Variants in OTUD7A observed in about 807,000 individuals in gnomAD.
The protein encoded by OTUD7A is OTU domain-containing protein 7A.
A neutral mutation model predicts 65.7 loss-of-function variants in OTUD7A; 12 were observed. That is an observed-to-expected ratio of 0.18 (90% CI 0.12 to 0.30). The LOEUF (loss-of-function observed/expected upper bound fraction) is 0.30, where lower values mean the gene tolerates loss of function less well. OTUD7A is among the 10% of genes least tolerant of loss of function. OTUD7A has a pLI of 1.00. For synonymous variants in OTUD7A, 641 were observed against 586.3 expected (o/e 1.09, Z -1.35); for missense variants, 1,148 against 1,304.8 (o/e 0.88, Z 1.85).
At chr15:31,833,387 A>C (rs1334546812) in intron 1 of OTUD7A, among the ~76,000 whole-genome samples, 1 of 152,250 alleles carries the variant, frequency 6.6e-6, no homozygotes, top group Non-Finnish European at 1.5e-5. Context: ...TAGAAACTAA[A>C]CAGATTTCTT....
intron 8 of OTUD7A, among the ~76,000 whole-genome samples, chr15:31,517,559 TG>T (rs2041875987): frequency 6.6e-6 from 1 of 152,246 alleles, no homozygotes; most frequent in South Asian, 2.1e-4. Context: ...TGCAATATAA[TG>T]ACTTCATCCT....
At chr15:31,645,026 G>A (rs1305160083) in intron 3 of OTUD7A, among the ~76,000 whole-genome samples, 1 of 152,090 alleles carries the variant, frequency 6.6e-6, no homozygotes, top group Non-Finnish European at 1.5e-5. Flanking sequence ...TCTGTGAATC[G>A]CTGCAGTTCT....
chr15:31,839,497 T>C (rs1055240309), intron 1 of OTUD7A, among the ~76,000 whole-genome samples: 2 of 152,022 alleles, frequency 1.3e-5, no homozygotes, highest in African/African-American at 4.8e-5. Context: ...GTAACCTAAT[T>C]TGAGGTGGTA....
In OTUD7A at chr15:31,856,985, A is replaced by T. The variant is rs56699627; in HGVS notation, c.-100+13522T>A. 6.2e-3 allele frequency among the ~76,000 whole-genome samples: 946 copies of T among 152,304 alleles called. 8 individuals are homozygous for T. The highest frequency in any genetic ancestry group is 0.021 in the African/African-American group (855 of 41,560). On this transcript the variant is annotated intron_variant, in intron 1 of 12. Coordinates refer to ENST00000307050, the MANE Select transcript of OTUD7A (RefSeq NM_001382637.1). Reference sequence around the variant, plus strand: ...TTCTCTAATAGTTGACGGCCGGCAAACGCCAACCATCCCTCTGTTGTCCTC... The same window carrying T: ...TTCTCTAATAGTTGACGGCCGGCAATCGCCAACCATCCCTCTGTTGTCCTC...
At chr15:31,506,503 ATTTT>A (rs1222920194) in intron 8 of OTUD7A, among the ~76,000 whole-genome samples, 2 of 151,918 alleles carry the variant, frequency 1.3e-5, no homozygotes, top group African/African-American at 4.8e-5. Flanking sequence ...CTTACAAGGA[ATTTT>A]TTTTGGCCTG....
chr15:31,804,984 C>T (rs1896231890), intron 1 of OTUD7A, among the ~76,000 whole-genome samples: 2 of 152,176 alleles, frequency 1.3e-5, no homozygotes, highest in Admixed American at 1.3e-4. Flanking sequence ...TGTTGAAAGG[C>T]AAGGAAGAAG....
chr15:31,794,210 G>C (rs2140940623), intron 1 of OTUD7A, among the ~76,000 whole-genome samples: 1 of 152,228 alleles, frequency 6.6e-6, no homozygotes, highest in South Asian at 2.1e-4. Context: ...TTAAACCTCA[G>C]TCACACAAAT....
intron 1 of OTUD7A, among the ~76,000 whole-genome samples, chr15:31,808,136 C>CAAAAA (rs1555420129): frequency 1.7e-5 from 2 of 119,418 alleles, no homozygotes; most frequent in African/African-American, 5.6e-5. Context: ...CACACACACA[C>CAAAAA]AAACAAATCC....
intron 3 of OTUD7A, among the ~76,000 whole-genome samples, chr15:31,651,666 G>A (rs1331728516): frequency 6.6e-6 from 1 of 151,036 alleles, no homozygotes; most frequent in Non-Finnish European, 1.5e-5. Context: ...ATTGCAGGAT[G>A]CAAGATCAAC....
intron 3 of OTUD7A, among the ~76,000 whole-genome samples, chr15:31,644,670 G>A (rs1338255155): frequency 3.3e-5 from 5 of 152,086 alleles, no homozygotes; most frequent in African/African-American, 1.2e-4. Flanking sequence ...TAGAGACAGA[G>A]GTCTTGCTAT....
chr15:31,582,052 G>C (rs899842908), intron 3 of OTUD7A, among the ~76,000 whole-genome samples: 1 of 152,152 alleles, frequency 6.6e-6, no homozygotes, highest in African/African-American at 2.4e-5. Context: ...TGAATGCTTT[G>C]CTACTCAGAA....
At chr15:31,752,630 A>G (rs1894669021) in intron 1 of OTUD7A, among the ~76,000 whole-genome samples, 1 of 152,212 alleles carries the variant, frequency 6.6e-6, no homozygotes, top group Non-Finnish European at 1.5e-5. Flanking sequence ...TTGACATACT[A>G]TATATTATGC....
intron 1 of OTUD7A, among the ~76,000 whole-genome samples, chr15:31,797,403 C>T (rs935775277): frequency 4.6e-5 from 7 of 152,176 alleles, no homozygotes; most frequent in African/African-American, 1.4e-4. Flanking sequence ...TGTAGACTGG[C>T]GGTCACCTCT....
At chr15:31,567,909 A>AGAGT (rs1888927372) in intron 4 of OTUD7A, among the ~76,000 whole-genome samples, 1 of 152,394 alleles carries the variant, frequency 6.6e-6, no homozygotes, top group African/African-American at 2.4e-5. Context: ...GTAGAATGCA[A>AGAGT]GAGTGAATGA....
chr15:31,730,560 G>A (rs1370541429), intron 1 of OTUD7A, among the ~76,000 whole-genome samples: 1 of 152,212 alleles, frequency 6.6e-6, no homozygotes, highest in East Asian at 1.9e-4. Context: ...GTCTGCTGCA[G>A]AATTTTATTT....
chr15:31,809,852 A>T (rs1197590100), intron 1 of OTUD7A, among the ~76,000 whole-genome samples: 1 of 152,248 alleles, frequency 6.6e-6, no homozygotes, highest in Admixed American at 6.5e-5. Flanking sequence ...CACATCAGTG[A>T]TTCAGTGATA....
At position 31,642,866 on chromosome 15, in the gene OTUD7A, A is replaced by G. The variant is rs372277653; in HGVS notation, c.151+12230T>C. ...CACTGACTTTCTCTACTATTTTTCC[A>G]TTTACTATTTCACTGTTTTTTGTTC... On this transcript the variant is annotated intron_variant, in intron 3 of 12. Transcript: ENST00000307050. Among the ~76,000 whole-genome samples, 509 of 151,600 alleles carry G rather than the reference A, an allele frequency of 3.4e-3. 1 individual carries two copies. The highest frequency in any genetic ancestry group is 0.012 in the African/African-American group (493 of 41,304).
At chr15:31,819,145 T>C (rs1343335857) in intron 1 of OTUD7A, among the ~76,000 whole-genome samples, 1 of 152,236 alleles carries the variant, frequency 6.6e-6, no homozygotes, top group Non-Finnish European at 1.5e-5. Flanking sequence ...GGATGGACTC[T>C]GAGCTAGAAA....
At chr15:31,622,669 T>C (rs142726914) in intron 3 of OTUD7A, among the ~76,000 whole-genome samples, 5,690 of 152,266 alleles carry the variant, frequency 0.037, 377 homozygotes, top group African/African-American at 0.13. Flanking sequence ...ATTCGTCTAA[T>C]CTTTTTTCAA....
Sources: allele counts gnomAD v4.1 joint callset (sites outside exome capture counted in the v4.1 genomes callset), GRCh38; gene constraint gnomAD v4.1.1; transcripts MANE v1.5; gene names NCBI Gene and HGNC (gene_info 2026-07-23, HGNC 2026-07-21).